Variants in ZSCAN5A observed in about 807,000 individuals in gnomAD.
ZSCAN5A encodes zinc finger and SCAN domain-containing protein 5A.
ZSCAN5A carries 12 observed loss-of-function variants against 23.7 expected under a neutral mutation model. That is an observed-to-expected ratio of 0.51 (90% confidence interval 0.32 to 0.82). The LOEUF is 0.82. Among genes scored for constraint, ZSCAN5A ranks in the 40% least tolerant of loss-of-function variants. The pLI is 0.03. For synonymous variants in ZSCAN5A, 257 were observed against 239.9 expected (o/e 1.07, Z -0.66); for missense variants, 597 against 617.9 (o/e 0.97, Z 0.36).
intron 2 of ZSCAN5A, among the ~76,000 whole-genome samples, chr19:56,257,478 T>A (rs1241097738): frequency 6.6e-6 from 1 of 152,198 alleles, no homozygotes; most frequent in Non-Finnish European, 1.5e-5. Flanking sequence ...CCACCATTGT[T>A]ACCTGGCTGA....
intron 2 of ZSCAN5A, among the ~76,000 whole-genome samples, chr19:56,252,459 T>C (rs1034185729): frequency 2.0e-5 from 3 of 152,008 alleles, no homozygotes; most frequent in East Asian, 1.9e-4. Context: ...GAGAGCAGAG[T>C]GGGCTTTCCC....
intron 2 of ZSCAN5A, among the ~76,000 whole-genome samples, chr19:56,258,412 G>GT (rs1304946862): frequency 7.0e-6 from 1 of 142,200 alleles, no homozygotes; most frequent in African/African-American, 3.1e-5. Context: ...TCCAGTGTGG[G>GT]GGTGACGGAC....
intron 2 of ZSCAN5A, among the ~76,000 whole-genome samples, chr19:56,291,804 G>GGATGTCTC (rs1431770619): frequency 6.6e-6 from 1 of 152,034 alleles, no homozygotes; most frequent in African/African-American, 2.4e-5. Flanking sequence ...CAAATAGATG[G>GGATGTCTC]GATGTCTCAT....
At chr19:56,340,829 T>A (rs1179172737) in intron 2 of ZSCAN5A, 1 of 152,206 alleles carries the variant, frequency 6.6e-6, no homozygotes, top group East Asian at 1.9e-4. Flanking sequence ...GAGTTGAAAA[T>A]GAGACCACCT....
intron 4 of ZSCAN5A, 70 bp downstream of exon 4, chr19:56,223,561 C>T: frequency 6.6e-7 from 1 of 1,521,322 alleles, no homozygotes; most frequent in Non-Finnish European, 9.0e-7. Flanking sequence ...TCAATCAGTC[C>T]AGCGGCCACA....
At chr19:56,331,196 G>T (rs564615895) in intron 2 of ZSCAN5A, among the ~76,000 whole-genome samples, 1 of 152,276 alleles carries the variant, frequency 6.6e-6, no homozygotes, top group African/African-American at 2.4e-5. Flanking sequence ...GCTTATCGTA[G>T]TCTTGTGGTA....
intron 2 of ZSCAN5A, among the ~76,000 whole-genome samples, chr19:56,233,731 T>C (rs1262098686): frequency 6.7e-6 from 1 of 148,174 alleles, no homozygotes; most frequent in South Asian, 2.1e-4. Context: ...TTTTTTTTTT[T>C]GCCATAAATA....
At chr19:56,302,547 T>TCCTC (rs141792778) in intron 2 of ZSCAN5A, among the ~76,000 whole-genome samples, 1 of 78,804 alleles carries the variant, frequency 1.3e-5, no homozygotes, top group African/African-American at 6.4e-5. Flanking sequence ...TCCTCCCCGT[T>TCCTC]CCTCCCTCCC....
intron 2 of ZSCAN5A, among the ~76,000 whole-genome samples, chr19:56,307,706 A>G (rs1278840243): frequency 1.3e-5 from 2 of 152,146 alleles, no homozygotes; most frequent in African/African-American, 4.8e-5. Context: ...AGGTAATACA[A>G]TTTTTTCCCC....
rs146621034 is a variant in ZSCAN5A at position 56,355,626 on chromosome 19, A to T, written c.-358+7609T>A. 1.2e-3 allele frequency among the ~76,000 whole-genome samples: 180 copies of T among 149,276 alleles called. 8 individuals are homozygous for T. In the East Asian group the frequency reaches 0.026, roughly 22 times the overall value. On this transcript the variant is annotated intron_variant, in intron 2 of 6. Coordinates refer to the ZSCAN5A transcript ENST00000587340. ...ACTGTAAAACAATTATGATAAAATG[A>T]TTTATAACAGAAAATTCCAACTTGA...
chr19:56,264,763 C>T (rs1263411662), intron 2 of ZSCAN5A, among the ~76,000 whole-genome samples: 1 of 152,198 alleles, frequency 6.6e-6, no homozygotes, highest in Non-Finnish European at 1.5e-5. Flanking sequence ...TAGTTACTAT[C>T]TTGCTCTTGA....
chr19:56,319,610 C>T (rs1218582199), upstream of ZSCAN5A, among the ~76,000 whole-genome samples: 6 of 151,652 alleles, frequency 4.0e-5, no homozygotes, highest in African/African-American at 1.2e-4. Context: ...GGTGAAGGAC[C>T]GTGTGTTTTA....
chr19:56,349,479 G>A (rs767824925), intron 2 of ZSCAN5A, among the ~76,000 whole-genome samples: 3 of 152,002 alleles, frequency 2.0e-5, no homozygotes, highest in Non-Finnish European at 4.4e-5. Context: ...GGCGGATTAC[G>A]AGGTCAGGAG....
At chr19:56,288,620 C>T (rs1288588329) in intron 2 of ZSCAN5A, among the ~76,000 whole-genome samples, 10 of 152,198 alleles carry the variant, frequency 6.6e-5, no homozygotes, top group Admixed American at 1.3e-4. Flanking sequence ...CCATACCTTG[C>T]GTGATGCCCA....
In ZSCAN5A at chr19:56,222,091, C is replaced by T. The variant is rs142326109; in HGVS notation, c.975G>A (p.Pro325=). The T allele has an allele frequency of 7.7e-3, 12,421 of 1,614,072 alleles. 66 individuals are homozygous for T. Among genetic ancestry groups the T allele is most frequent in the Middle Eastern group, 0.036 (216 of 6,062 alleles). ...EATPVGNRES[P]GQAGMNSIHS... is the part of the protein sequence containing the mutation. The stretch of plus-strand genomic sequence containing the variant: ...GAATTGAATTCATCCCAGCTTGTCC[C>T]GGGGATTCTCTGTTGCCCACAGGTG... Residue 325 remains proline (P), a synonymous_variant, in exon 6 of 6, where the codon CCG becomes CCA. Transcript: ENST00000683990.
chr19:56,278,160 C>T (rs527853971), intron 2 of ZSCAN5A, among the ~76,000 whole-genome samples: 11 of 150,716 alleles, frequency 7.3e-5, no homozygotes, highest in East Asian at 5.8e-4. Context: ...CTTGCTCTGT[C>T]GCCCAGGCTG....
At chr19:56,344,590 G>A (rs1426549915) in intron 2 of ZSCAN5A, among the ~76,000 whole-genome samples, 1 of 151,492 alleles carries the variant, frequency 6.6e-6, no homozygotes. Flanking sequence ...GGCTAACACG[G>A]AGAAACCCCG....
chr19:56,233,334 T>C (rs895136269), intron 2 of ZSCAN5A, among the ~76,000 whole-genome samples: 2 of 152,136 alleles, frequency 1.3e-5, no homozygotes, highest in African/African-American at 4.8e-5. Context: ...TCATTGTCTA[T>C]AAAAACGGTG....
chr19:56,261,780 A>AG (rs2037146369), intron 2 of ZSCAN5A, among the ~76,000 whole-genome samples: 1 of 152,236 alleles, frequency 6.6e-6, no homozygotes, highest in Non-Finnish European at 1.5e-5. Context: ...AAAGAGCTTA[A>AG]ATAACAATTC....
Sources: gnomAD v4.1 joint callset for allele counts (sites outside exome capture counted in the v4.1 genomes callset) on GRCh38, gnomAD v4.1.1 for gene constraint, MANE v1.5 for transcripts, NCBI Gene and HGNC (gene_info 2026-07-23, HGNC 2026-07-21) for gene names.